Variants in PCCA observed in about 807,000 individuals in gnomAD.
PCCA encodes propionyl-CoA carboxylase subunit alpha.
PCCA carries 74 observed loss-of-function variants against 101.3 expected under a neutral mutation model. That is an observed-to-expected ratio of 0.73 (90% CI 0.61 to 0.89). The LOEUF (loss-of-function observed/expected upper bound fraction) is 0.89. Ranked by LOEUF, PCCA falls within the 40% of genes least tolerant of loss-of-function variation. The pLI, the probability that PCCA is intolerant of heterozygous loss-of-function variation, is 0.00. For synonymous variants in PCCA, 294 were observed against 313.6 expected, an observed-to-expected ratio of 0.94 and a Z score of 0.66; for missense variants, 891 against 907.0, an observed-to-expected ratio of 0.98 and a Z score of 0.23.
At chr13:100,409,968 C>T (rs1424106401) in intron 19 of PCCA, among the ~76,000 whole-genome samples, 1 of 151,936 alleles carries the variant, frequency 6.6e-6, no homozygotes, top group African/African-American at 2.4e-5. Context: ...CCATGTTGGT[C>T]AGGCTGGTCT....
At chr13:100,098,251 T>G (rs2046956206) in intron 1 of PCCA, among the ~76,000 whole-genome samples, 1 of 152,206 alleles carries the variant, frequency 6.6e-6, no homozygotes, top group Non-Finnish European at 1.5e-5. Context: ...TATATTTTAC[T>G]TAATATATTC....
rs898084797 is a variant in PCCA, at chr13:100,268,485, T to G, written c.820-204T>G. On this transcript the variant is annotated intron_variant, in intron 10 of 23. Transcript: ENST00000376285. ...ATGAACACTTTTTCCTCAAATCTTT[T>G]TGATAAAAATGTTTTATTGAGCTTT... 4.7e-6 allele frequency: 3 copies of G among 632,362 alleles called. No individual in the cohort carries two copies. In the Admixed American group the frequency reaches 7.6e-5, roughly 16 times the overall value. 39.2% of individuals were successfully genotyped at this position (632,362 alleles called of 1,614,324 possible).
At chr13:100,310,058 A>G (rs919522794) in intron 16 of PCCA, 150 bp downstream of exon 16, 6 of 673,338 alleles carry the variant, frequency 8.9e-6, no homozygotes, top group Non-Finnish European at 1.3e-5. Flanking sequence ...CCATCAAACC[A>G]CCATACCAAG....
chr13:100,223,349 G>A (rs2059935514), intron 7 of PCCA, among the ~76,000 whole-genome samples: 1 of 152,124 alleles, frequency 6.6e-6, no homozygotes, highest in Non-Finnish European at 1.5e-5. Flanking sequence ...ATGTTGGGAT[G>A]TGTTCGGAGT....
intron 18 of PCCA, among the ~76,000 whole-genome samples, chr13:100,345,381 A>G (rs2072024441): frequency 6.6e-6 from 1 of 152,202 alleles, no homozygotes. Context: ...ATAGGTCTGG[A>G]TAGAAGATCA....
chr13:100,304,190 G>A (rs569834769), intron 14 of PCCA, among the ~76,000 whole-genome samples: 3 of 152,300 alleles, frequency 2.0e-5, no homozygotes, highest in African/African-American at 7.2e-5. Flanking sequence ...TAATGCTGCA[G>A]CAGGAGTTTT....
At chr13:100,155,235 C>G in intron 5 of PCCA, 143 bp downstream of exon 5, 1 of 669,690 alleles carries the variant, frequency 1.5e-6, no homozygotes, top group Non-Finnish European at 2.6e-6. Flanking sequence ...TAAATGTGGT[C>G]GAATTCGCTA....
intron 19 of PCCA, among the ~76,000 whole-genome samples, chr13:100,381,679 C>T (rs2076235445): frequency 1.3e-5 from 2 of 152,220 alleles, no homozygotes; most frequent in South Asian, 4.1e-4. Flanking sequence ...GACCGCTTTG[C>T]CACGGGGTGC....
In PCCA at chr13:100,309,926, C is replaced by T. The variant is rs1445188783; in HGVS notation, c.1429+18C>T. ...TATTCGAGGTAAAAACAAAGATTTGCACTCGTTGGTTATTGTATATGGTGT... is the reference window on the plus strand; with the variant it reads ...TATTCGAGGTAAAAACAAAGATTTGTACTCGTTGGTTATTGTATATGGTGT... On this transcript the variant is annotated intron_variant, in intron 16 of 23. Coordinates refer to ENST00000376285, the MANE Select transcript of PCCA (RefSeq NM_000282.4). The T allele has an allele frequency of 6.3e-7, 1 of 1,577,850 alleles. No homozygotes were observed. The highest frequency in any genetic ancestry group is 8.7e-7 in the Non-Finnish European group (1 of 1,147,082).
intron 8 of PCCA, among the ~76,000 whole-genome samples, chr13:100,249,841 TATTTTA>T (rs2061652550): frequency 6.6e-6 from 1 of 152,218 alleles, no homozygotes; most frequent in African/African-American, 2.4e-5. Flanking sequence ...TAAATGTCAC[TATTTTA>T]ATTTCAAATT....
At chr13:100,301,950 G>A (rs542326346) in intron 13 of PCCA, among the ~76,000 whole-genome samples, 1 of 152,148 alleles carries the variant, frequency 6.6e-6, no homozygotes, top group South Asian at 2.1e-4. Flanking sequence ...ACAAGAAGTA[G>A]CATTTATTTC....
chr13:100,125,268 A>C (rs117302830), intron 4 of PCCA, among the ~76,000 whole-genome samples: 3,112 of 152,248 alleles, frequency 0.02, 38 homozygotes, highest in Middle Eastern at 0.085. Flanking sequence ...AGTTGGTCTT[A>C]ATTAGATCAG....
Position 100,421,530 on chromosome 13 carries a change from A to G in PCCA, c.1747-4103A>G, listed in dbSNP as rs185321237. ...TACAGAATATGTATTTATTTGATATACTTTAAGGAAATCTTTGCTGGGTGT... is the reference window on the plus strand; with the variant it reads ...TACAGAATATGTATTTATTTGATATGCTTTAAGGAAATCTTTGCTGGGTGT... On this transcript the variant is annotated intron_variant, in intron 19 of 23. Coordinates refer to ENST00000376285, the MANE Select transcript of PCCA (RefSeq NM_000282.4). Among the ~76,000 whole-genome samples the G allele has an allele frequency of 1.5e-3, 226 of 152,128 alleles. 1 individual carries two copies. The highest frequency in any genetic ancestry group is 5.2e-3 in the African/African-American group (215 of 41,502).
chr13:100,416,189 G>GT (rs1419512017), intron 19 of PCCA, among the ~76,000 whole-genome samples: 1 of 151,106 alleles, frequency 6.6e-6, no homozygotes, highest in African/African-American at 2.4e-5. Flanking sequence ...CATAAATCAT[G>GT]GTTTTTTTTT....
intron 6 of PCCA, among the ~76,000 whole-genome samples, chr13:100,195,801 C>T (rs1000516637): frequency 6.6e-6 from 1 of 152,086 alleles, no homozygotes; most frequent in African/African-American, 2.4e-5. Context: ...ATCTACATTT[C>T]CCGAAGAGAA....
intron 21 of PCCA, among the ~76,000 whole-genome samples, chr13:100,507,016 C>T (rs553401251): frequency 6.3e-4 from 96 of 152,108 alleles, no homozygotes; most frequent in Non-Finnish European, 1.1e-3. Context: ...TAAAACAATT[C>T]GAGATACAGA....
intron 4 of PCCA, among the ~76,000 whole-genome samples, chr13:100,141,944 A>G (rs2051922031): frequency 6.6e-6 from 1 of 152,220 alleles, no homozygotes; most frequent in Admixed American, 6.5e-5. Context: ...GAGAGTGGAA[A>G]ACAAAGGCAA....
chr13:100,345,800 T>C (rs980348815), intron 18 of PCCA, among the ~76,000 whole-genome samples: 2 of 152,194 alleles, frequency 1.3e-5, no homozygotes, highest in Non-Finnish European at 2.9e-5. Context: ...ATGCAACTGA[T>C]GACTTGAAGT....
chr13:100,431,972 C>T (rs967303909), intron 20 of PCCA, among the ~76,000 whole-genome samples: 1 of 151,974 alleles, frequency 6.6e-6, no homozygotes, highest in African/African-American at 2.4e-5. Context: ...GGTGGATCAC[C>T]TGAGGTAAGG....
Sources: allele counts gnomAD v4.1 joint callset (sites outside exome capture counted in the v4.1 genomes callset), GRCh38; gene constraint gnomAD v4.1.1; transcripts MANE v1.5; gene names NCBI Gene and HGNC (gene_info 2026-07-23, HGNC 2026-07-21).